The following ACOX2 variants were observed in gnomAD, a reference collection of about 807,000 sequenced individuals.
ACOX2 encodes the protein peroxisomal acyl-coenzyme A oxidase 2.
In ACOX2, 59 loss-of-function variants were observed where a neutral mutation model predicts 77.5. That is an observed-to-expected ratio of 0.76 (90% confidence interval 0.62 to 0.95). The LOEUF (loss-of-function observed/expected upper bound fraction) is 0.95. Ranked by LOEUF, ACOX2 falls within the 40% of genes least tolerant of loss-of-function variation. The pLI is 0.00. For synonymous variants in ACOX2, 317 were observed against 340.1 expected (o/e 0.93, Z 0.75); for missense variants, 837 against 880.4 (o/e 0.95, Z 0.62).
chr3:58,517,476 G>A, intron 12 of ACOX2, 53 bp from the exon 13 acceptor site: 2 of 1,551,002 alleles, frequency 1.3e-6, no homozygotes, highest in Non-Finnish European at 1.8e-6. Context: ...TACTCCAGAA[G>A]TCACCCTGGA....
rs35559313 is a variant in ACOX2 at position 58,522,773 on chromosome 3, C to A, written c.1527-172G>T. ...TTTTTAACTCTTTTAAGGGCAGGCA[C>A]CCCCCAGTTTGCAATGGGGAAAACT... is the stretch of plus-strand genomic sequence containing the variant. On this transcript the variant is annotated intron_variant, in intron 11 of 14. Transcript: ENST00000302819. This position sits in a 1 kb window ranked among gnomAD's most constrained non-coding sequence, Gnocchi z 4.3. Among the ~76,000 whole-genome samples the A allele has an allele frequency of 0.075, 11,347 of 152,176 alleles. 610 individuals are homozygous for A. The highest frequency in any genetic ancestry group is 0.16 in the African/African-American group (6,542 of 41,486).
rs2063357178 is a variant in ACOX2, at chr3:58,521,347, T to C, written c.1632+1149A>G. ...TTCCAAGGCTGCCATTTTCTGGGTC[T>C]GAGGCCTGAGGATTGGCGTGATCAC... On this transcript the variant is annotated intron_variant, in intron 12 of 14. Coordinates refer to ENST00000302819, the MANE Select transcript of ACOX2 (RefSeq NM_003500.4). This position sits in a 1 kb window ranked among gnomAD's most constrained non-coding sequence, Gnocchi z 4.8. Among the ~76,000 whole-genome samples, 1 of 152,230 alleles carries C rather than the reference T, an allele frequency of 6.6e-6. No homozygotes were observed. The highest frequency in any genetic ancestry group is 2.4e-5 in the African/African-American group (1 of 41,468).
intron 14 of ACOX2, among the ~76,000 whole-genome samples, chr3:58,507,406 C>T (rs2063242751): frequency 6.6e-6 from 1 of 152,156 alleles, no homozygotes; most frequent in Non-Finnish European, 1.5e-5. Context: ...TAAACATGTT[C>T]TCATGTAGTA....
intron 12 of ACOX2, among the ~76,000 whole-genome samples, chr3:58,517,790 T>G (rs1423734996): frequency 6.6e-6 from 1 of 152,018 alleles, no homozygotes; most frequent in Non-Finnish European, 1.5e-5. Flanking sequence ...TTAGCTATTT[T>G]AAGGCTGGGC....
chr3:58,531,696 G>A lies in ACOX2; in HGVS notation c.700C>T (p.Pro234Ser). 1 of 1,613,958 alleles carries A rather than the reference G, an allele frequency of 6.2e-7. No homozygotes were observed. Among genetic ancestry groups the A allele is most frequent in the South Asian group, 1.1e-5 (1 of 91,040 alleles). The change falls in exon 6 of 15, where the codon CCA becomes TCA. Residue 234 changes from proline (P) to serine (S), a missense_variant. Coordinates refer to ENST00000302819, the MANE Select transcript of ACOX2 (RefSeq NM_003500.4). This position sits in a 1 kb window ranked among gnomAD's most constrained non-coding sequence, Gnocchi z 5.8. ...IRSLQDHTPL[P>S]GIIIGDIGPK... is the part of the protein sequence containing the mutation. Reference sequence around the variant, plus strand: ...TGAGGGAGCATTATGGGCTTACCTGGCAGTGGGGTGTGGTCCTGAAGACTC... The same window carrying A: ...TGAGGGAGCATTATGGGCTTACCTGACAGTGGGGTGTGGTCCTGAAGACTC...
chr3:58,506,759 T>G (rs779758479), intron 14 of ACOX2, among the ~76,000 whole-genome samples: 27 of 152,096 alleles, frequency 1.8e-4, no homozygotes, highest in Non-Finnish European at 2.6e-4. Context: ...GCCACTGCAT[T>G]TCAGCCTGGA....
At position 58,512,355 on chromosome 3, in the gene ACOX2, T is replaced by G. The variant is rs890984882; in HGVS notation, c.1851-3330A>C. Among the ~76,000 whole-genome samples the G allele has an allele frequency of 5.3e-5, 8 of 152,238 alleles. No homozygotes were observed. Among genetic ancestry groups the G allele is most frequent in the African/African-American group, 1.7e-4 (7 of 41,460 alleles). On this transcript the variant is annotated intron_variant, in intron 13 of 14. Coordinates refer to ENST00000302819, the MANE Select transcript of ACOX2 (RefSeq NM_003500.4). The surrounding 1 kb of genome is among the most constrained non-coding windows in gnomAD (Gnocchi z 4.8). ...GCTCCAATCCACTATCATCACTCAC[T>G]TGGATGATTGCATTAGCGATCCAGC...
rs1324489063 is a variant in ACOX2, at chr3:58,522,446, G to T, written c.1632+50C>A. The T allele has an allele frequency of 1.9e-6, 3 of 1,568,900 alleles. No homozygotes were observed. The highest frequency in any genetic ancestry group is 1.3e-5 in the African/African-American group (1 of 74,146). ...CCGGATTTTCCCAGCAGGGTAGCCTGCCTGGGAAGCAAAATGGATCCCTTT... is the reference window on the plus strand; with the variant it reads ...CCGGATTTTCCCAGCAGGGTAGCCTTCCTGGGAAGCAAAATGGATCCCTTT... On this transcript the variant is annotated intron_variant, in intron 12 of 14. Coordinates refer to ENST00000302819, the MANE Select transcript of ACOX2 (RefSeq NM_003500.4). This position sits in a 1 kb window ranked among gnomAD's most constrained non-coding sequence, Gnocchi z 4.3.
At position 58,515,826 on chromosome 3, in the gene ACOX2, G is replaced by C. The variant is rs535318479; in HGVS notation, c.1850+1380C>G. Among the ~76,000 whole-genome samples, 1 of 151,976 alleles carries C rather than the reference G, an allele frequency of 6.6e-6. No homozygotes were observed. Among genetic ancestry groups the C allele is most frequent in the East Asian group, 1.9e-4 (1 of 5,176 alleles). On this transcript the variant is annotated intron_variant, in intron 13 of 14. Transcript: ENST00000302819. This position sits in a 1 kb window ranked among gnomAD's most constrained non-coding sequence, Gnocchi z 4.0. ...AAGGTCTCACTTTGTTGCCCAGGCTGGAGTGCAGTGGTGTGATCATAGCTT... is the reference window on the plus strand; with the variant it reads ...AAGGTCTCACTTTGTTGCCCAGGCTCGAGTGCAGTGGTGTGATCATAGCTT...
At chr3:58,508,745 G>T (rs1441072686) in intron 14 of ACOX2, 148 bp downstream of exon 14, 2 of 1,071,208 alleles carry the variant, frequency 1.9e-6, no homozygotes, top group African/African-American at 3.2e-5. Flanking sequence ...TTTCTTTTAT[G>T]TGTTCTCTAA....
rs771975232 is a variant in ACOX2 at position 58,533,512 on chromosome 3, G to A, written c.516C>T (p.Asp172=). The A allele has an allele frequency of 1.1e-4, 173 of 1,613,860 alleles. No individual in the cohort carries two copies. The highest frequency in any genetic ancestry group is 1.4e-4 in the Non-Finnish European group (160 of 1,179,996). ...GTATCACAAACTCCTGGGTGGCTGCGTCATAGGTGGCTTCAGTCTCCAGGC... is the reference window on the plus strand; with the variant it reads ...GTATCACAAACTCCTGGGTGGCTGCATCATAGGTGGCTTCAGTCTCCAGGC... ...LQGLETEATY[D]AATQEFVIHS... The change falls in exon 5 of 15, where the codon GAC becomes GAT. Residue 172 remains aspartate, a synonymous_variant. Coordinates refer to ENST00000302819, the MANE Select transcript of ACOX2 (RefSeq NM_003500.4). The surrounding 1 kb of genome is among the most constrained non-coding windows in gnomAD (Gnocchi z 5.6).
At position 58,525,537 on chromosome 3, in the gene ACOX2, C is replaced by T. The variant is rs2063388016; in HGVS notation, c.1346+929G>A. ...GCACCAAGCTTAGGCGATGCTAAAG[C>T]GAGCAAGGTAGGGGTAGTCCCTGCC... On this transcript the variant is annotated intron_variant, in intron 10 of 14. Coordinates refer to ENST00000302819, the MANE Select transcript of ACOX2 (RefSeq NM_003500.4). The surrounding 1 kb of genome is among the most constrained non-coding windows in gnomAD (Gnocchi z 5.0). 6.6e-6 allele frequency among the ~76,000 whole-genome samples: 1 copy of T among 152,178 alleles called. No individual in the cohort carries two copies. Among genetic ancestry groups the T allele is most frequent in the Admixed American group, 6.5e-5 (1 of 15,286 alleles).
Position 58,528,083 on chromosome 3 carries a change from GCAGGA to G in ACOX2, c.1155+706_1155+710del, listed in dbSNP as rs2063410469. On this transcript the variant is annotated intron_variant, in intron 9 of 14. Transcript: ENST00000302819. The surrounding 1 kb of genome is among the most constrained non-coding windows in gnomAD (Gnocchi z 5.6). ...CCAACAGGACAGAGGCTGCTGGGCA[GCAGGA>G]CTGCTTTCAGATTTTGGTTCTTGAA... 6.6e-6 allele frequency among the ~76,000 whole-genome samples: 1 copy of G among 152,214 alleles called. No homozygotes were observed. The highest frequency in any genetic ancestry group is 2.1e-4 in the South Asian group (1 of 4,828).
chr3:58,520,862 C>A (rs1221761804), intron 12 of ACOX2, among the ~76,000 whole-genome samples: 1 of 152,150 alleles, frequency 6.6e-6, no homozygotes, highest in East Asian at 1.9e-4. Context: ...CTCATCACAC[C>A]CTCAGTGGTG....
At chr3:58,532,670 C>G (rs1245109510) in intron 5 of ACOX2, among the ~76,000 whole-genome samples, 1 of 152,208 alleles carries the variant, frequency 6.6e-6, no homozygotes, top group East Asian at 1.9e-4. Flanking sequence ...TAGGCATGAG[C>G]CACCGCACCC....
rs1486229052 is a variant in ACOX2, at chr3:58,535,180, T to A, written c.-74A>T. ...CTGCTCCGAGGGTCTGCTCTCAGCA[T>A]TGGTCAGTGCAAAGAACCTGTGTGC... is the stretch of plus-strand genomic sequence containing the variant. On this transcript the variant is annotated 5_prime_UTR_variant, in exon 2 of 15. The change abolishes an upstream ATG in the 5' untranslated region. Coordinates refer to ENST00000302819, the MANE Select transcript of ACOX2 (RefSeq NM_003500.4). The surrounding 1 kb of genome is among the most constrained non-coding windows in gnomAD (Gnocchi z 4.8). 2.5e-6 allele frequency: 4 copies of A among 1,587,156 alleles called. No individual in the cohort carries two copies. In the East Asian group the frequency reaches 8.9e-5, roughly 35 times the overall value.
Position 58,512,930 on chromosome 3 carries a change from C to G in ACOX2, c.1851-3905G>C, listed in dbSNP as rs995328536. Among the ~76,000 whole-genome samples, 7 of 152,200 alleles carry G rather than the reference C, an allele frequency of 4.6e-5. No individual in the cohort carries two copies. The highest frequency in any genetic ancestry group is 7.2e-5 in the African/African-American group (3 of 41,434). ...TGTGATGTTCACATGATGACAGACT[C>G]ACCTGAAGACACATTTCTCAGAACG... is the stretch of plus-strand genomic sequence containing the variant. On this transcript the variant is annotated intron_variant, in intron 13 of 14. Coordinates refer to ENST00000302819, the MANE Select transcript of ACOX2 (RefSeq NM_003500.4). The surrounding 1 kb of genome is among the most constrained non-coding windows in gnomAD (Gnocchi z 4.8).
chr3:58,506,327 C>T (rs1238867836), intron 14 of ACOX2, among the ~76,000 whole-genome samples: 1 of 152,186 alleles, frequency 6.6e-6, no homozygotes, highest in Non-Finnish European at 1.5e-5. Context: ...AGCACATCAT[C>T]CTGTCCAGGA....
chr3:58,507,431 T>C (rs980604117), intron 14 of ACOX2, among the ~76,000 whole-genome samples: 13 of 152,234 alleles, frequency 8.5e-5, no homozygotes, highest in African/African-American at 3.1e-4. Flanking sequence ...GATTAAAGTC[T>C]TTTAAAATAA....
Sources: allele counts gnomAD v4.1 joint callset (sites outside exome capture counted in the v4.1 genomes callset), GRCh38; gene constraint gnomAD v4.1.1; non-coding constraint Gnocchi (gnomAD v3.1); transcripts MANE v1.5; gene names NCBI Gene and HGNC (gene_info 2026-07-23, HGNC 2026-07-21).